The following TRERF1 variants were observed in gnomAD, a reference collection of about 807,000 sequenced individuals.
The protein encoded by TRERF1 is transcriptional-regulating factor 1.
TRERF1 carries 27 observed loss-of-function variants against 122.9 expected under a neutral mutation model. The observed-to-expected ratio is 0.22, with a 90% CI of 0.16 to 0.30. The LOEUF is 0.30. Ranked by LOEUF, TRERF1 falls within the 10% of genes least tolerant of loss-of-function variation. The pLI is 1.00. For missense variants in TRERF1, 1,248 were observed against 1,560.3 expected (o/e 0.80, Z 3.37); for synonymous variants, 636 against 641.7 (o/e 0.99, Z 0.13).
chr6:42,423,341 G>A (rs1014643464), intron 2 of TRERF1, among the ~76,000 whole-genome samples: 2 of 152,136 alleles, frequency 1.3e-5, no homozygotes, highest in African/African-American at 4.8e-5. Context: ...GTTTCAGTAC[G>A]CATATTTGAG....
intron 2 of TRERF1, among the ~76,000 whole-genome samples, chr6:42,442,079 G>A (rs187819348): frequency 5.6e-4 from 85 of 152,250 alleles, no homozygotes; most frequent in Admixed American, 2.2e-3. Context: ...CAGCTCGCAT[G>A]TATTCACCCA....
chr6:42,249,292 G>C (rs1421473900), intron 13 of TRERF1, among the ~76,000 whole-genome samples: 2 of 152,300 alleles, frequency 1.3e-5, no homozygotes, highest in East Asian at 3.9e-4. Flanking sequence ...GACATGACAA[G>C]ACACTAACAG....
At chr6:42,428,501 C>T (rs1693782750) in intron 2 of TRERF1, among the ~76,000 whole-genome samples, 1 of 152,156 alleles carries the variant, frequency 6.6e-6, no homozygotes, top group South Asian at 2.1e-4. Context: ...GGTGAAACCC[C>T]AGGTCTCCAG....
intron 2 of TRERF1, among the ~76,000 whole-genome samples, chr6:42,399,067 G>A (rs1779019538): frequency 6.6e-6 from 1 of 152,164 alleles, no homozygotes; most frequent in Non-Finnish European, 1.5e-5. Flanking sequence ...TTAACCAGAT[G>A]GAAGGAAGTC....
At chr6:42,367,655 A>C (rs1773000350) in intron 2 of TRERF1, among the ~76,000 whole-genome samples, 1 of 151,994 alleles carries the variant, frequency 6.6e-6, no homozygotes, top group Non-Finnish European at 1.5e-5. Flanking sequence ...TTGGGCCAAA[A>C]TGTGTGGAGC....
In TRERF1 at chr6:42,263,581, T is replaced by C; in HGVS notation, c.1636-13A>G. On this transcript the variant is annotated splice_polypyrimidine_tract_variant and intron_variant, in intron 7 of 17. Coordinates refer to ENST00000372922, the Ensembl canonical transcript of TRERF1. This position sits in a 1 kb window ranked among gnomAD's most constrained non-coding sequence, Gnocchi z 5.6. Reference sequence around the variant, plus strand: ...TCTCTCCTTCCTCCTACACAGACAATAAAGGCTTTGATCCTGGGCTGAGAG... The same window carrying C: ...TCTCTCCTTCCTCCTACACAGACAACAAAGGCTTTGATCCTGGGCTGAGAG... 1 of 1,495,982 alleles carries C rather than the reference T, an allele frequency of 6.7e-7. No homozygotes were observed. The highest frequency in any genetic ancestry group is 8.9e-7 in the Non-Finnish European group (1 of 1,121,112). The allele number at this position is 1,495,982 out of a possible 1,614,324, so 92.7% of individuals were successfully genotyped here.
intron 2 of TRERF1, among the ~76,000 whole-genome samples, chr6:42,410,934 T>C (rs1378219734): frequency 6.6e-6 from 1 of 152,220 alleles, no homozygotes; most frequent in African/African-American, 2.4e-5. Context: ...TCCAAGCACA[T>C]ACAGAGAAGC....
At chr6:42,243,112 G>A (rs924933565) in intron 15 of TRERF1, 136 bp downstream of exon 15, 5 of 711,274 alleles carry the variant, frequency 7.0e-6, no homozygotes, top group Admixed American at 2.3e-5. Context: ...GAATCCTGCA[G>A]GAGAGCTGGG....
intron 9 of TRERF1, among the ~76,000 whole-genome samples, chr6:42,258,798 G>A (rs957676890): frequency 1.3e-5 from 2 of 152,074 alleles, no homozygotes; most frequent in African/African-American, 4.8e-5. Flanking sequence ...GCAGTGGCAT[G>A]ATCTTGGCTC....
At chr6:42,340,095 C>G (rs1766966830) in intron 3 of TRERF1, among the ~76,000 whole-genome samples, 1 of 152,172 alleles carries the variant, frequency 6.6e-6, no homozygotes, top group East Asian at 1.9e-4. Flanking sequence ...CAACAGCAAT[C>G]AAGTCAAAAT....
intron 3 of TRERF1, among the ~76,000 whole-genome samples, chr6:42,314,732 G>A (rs998052097): frequency 6.6e-6 from 1 of 152,310 alleles, no homozygotes; most frequent in South Asian, 2.1e-4. Flanking sequence ...AGAACAATGA[G>A]ATCTGGGGAA....
At chr6:42,360,685 C>G (rs1011722322) in intron 3 of TRERF1, among the ~76,000 whole-genome samples, 9 of 150,970 alleles carry the variant, frequency 6.0e-5, no homozygotes, top group Admixed American at 1.3e-4. Flanking sequence ...ACACCCCCAG[C>G]CTCCCCACAG....
At position 42,268,923 on chromosome 6, in the gene TRERF1, A is replaced by T. The variant is rs1779736581; in HGVS notation, c.668T>A (p.Val223Asp). The change falls in exon 5 of 18, where the codon GTC becomes GAC. Residue 223 changes from valine (V) to aspartate (D), a missense_variant. This residue lies in a region of TRERF1 where 946 missense variants were observed against 1,073.0 expected (regional missense o/e 0.88). Coordinates refer to ENST00000372922, the Ensembl canonical transcript of TRERF1. This position sits in a 1 kb window ranked among gnomAD's most constrained non-coding sequence, Gnocchi z 4.4. ...GTGCCCTTGGGTAGGGTGCTGCCCGACCTGAAGAGCTGGTTTGGACAGCCC... is the reference window on the plus strand; with the variant it reads ...GTGCCCTTGGGTAGGGTGCTGCCCGTCCTGAAGAGCTGGTTTGGACAGCCC... 2 of 1,612,532 alleles carry T rather than the reference A, an allele frequency of 1.2e-6. No homozygotes were observed. Among genetic ancestry groups the T allele is most frequent in the East Asian group, 4.5e-5 (2 of 44,784 alleles).
At chr6:42,323,584 A>T (rs1422889767) in intron 3 of TRERF1, among the ~76,000 whole-genome samples, 1 of 152,158 alleles carries the variant, frequency 6.6e-6, no homozygotes, top group Non-Finnish European at 1.5e-5. Flanking sequence ...GATACCTATG[A>T]AGCAATAATC....
exon 16 of TRERF1, chr6:42,236,327 C>T (rs1320525951): frequency 6.3e-7 from 1 of 1,597,974 alleles, no homozygotes; most frequent in South Asian, 1.1e-5. Flanking sequence ...TTCGGCACCT[C>T]ACTCTCTTCT....
At chr6:42,450,149 C>T (rs748639950) in intron 2 of TRERF1, among the ~76,000 whole-genome samples, 8 of 152,216 alleles carry the variant, frequency 5.3e-5, no homozygotes, top group Non-Finnish European at 1.2e-4. Context: ...GCACTGAGGA[C>T]TCCTGCTGTT....
intron 3 of TRERF1, among the ~76,000 whole-genome samples, chr6:42,310,711 A>G (rs1200053604): frequency 6.6e-6 from 1 of 152,218 alleles, no homozygotes; most frequent in African/African-American, 2.4e-5. Context: ...CAGAACTGGT[A>G]GCAGGAGGCT....
At chr6:42,449,984 C>T (rs1788180014) in intron 2 of TRERF1, among the ~76,000 whole-genome samples, 1 of 152,192 alleles carries the variant, frequency 6.6e-6, no homozygotes, top group Non-Finnish European at 1.5e-5. Context: ...CCGGGTTGGA[C>T]CCGAGATGCT....
In TRERF1 at chr6:42,228,080, G is replaced by C. The variant is rs1769792459; in HGVS notation, c.*265C>G. Reference sequence around the variant, plus strand: ...GAAGGTCAGCTTCAGTCCCTACTGGGAATGATTTCATGAGAAGGTAGCCCA... The same window carrying C: ...GAAGGTCAGCTTCAGTCCCTACTGGCAATGATTTCATGAGAAGGTAGCCCA... On this transcript the variant is annotated 3_prime_UTR_variant, in exon 18 of 18. Transcript: ENST00000372922. This position sits in a 1 kb window ranked among gnomAD's most constrained non-coding sequence, Gnocchi z 4.2. The C allele has an allele frequency of 5.6e-6, 2 of 357,958 alleles. No homozygotes were observed. The highest frequency in any genetic ancestry group is 4.2e-5 in the African/African-American group (2 of 47,218). The allele number at this position is 357,958 out of a possible 1,614,324, so 22.2% of individuals were successfully genotyped here.
Sources: gnomAD v4.1 joint callset for allele counts (sites outside exome capture counted in the v4.1 genomes callset) on GRCh38, gnomAD v4.1.1 for gene constraint, gnomAD v4.1.1 regional missense constraint, Gnocchi (gnomAD v3.1) non-coding constraint, MANE v1.5 for transcripts, NCBI Gene and HGNC (gene_info 2026-07-23, HGNC 2026-07-21) for gene names.